The following ASCC3 variants were observed in gnomAD, a reference collection of about 807,000 sequenced individuals.
ASCC3 encodes ASC-1 complex subunit P200.
In ASCC3, 158 loss-of-function variants were observed where a neutral mutation model predicts 256.3. The ratio of observed to expected loss-of-function variants is 0.62; its 90% CI spans 0.54 to 0.70. ASCC3 has a LOEUF of 0.70. Among genes scored for constraint, ASCC3 ranks in the 30% least tolerant of loss-of-function variants. The pLI is 0.00. For missense variants in ASCC3, 2,259 were observed against 2,626.0 expected, an observed-to-expected ratio of 0.86 and a Z score of 3.05; for synonymous variants, 948 against 883.4, an observed-to-expected ratio of 1.07 and a Z score of -1.30.
intron 36 of ASCC3, among the ~76,000 whole-genome samples, chr6:100,587,375 T>C (rs1202864997): frequency 3.3e-5 from 5 of 152,020 alleles, no homozygotes; most frequent in Non-Finnish European, 7.4e-5. Flanking sequence ...AATTATACAA[T>C]CTTGCTGTAT....
At chr6:100,712,751 CTTTTTTTTTTTT>C (rs58286754) in intron 13 of ASCC3, among the ~76,000 whole-genome samples, 3 of 69,738 alleles carry the variant, frequency 4.3e-5, no homozygotes, top group African/African-American at 1.6e-4. Flanking sequence ...CAATTATACT[CTTTTTTTTTTTT>C]TTTTTTTTTT....
intron 4 of ASCC3, among the ~76,000 whole-genome samples, chr6:100,831,324 TAA>T (rs201555489): frequency 5.0e-5 from 7 of 141,066 alleles, no homozygotes; most frequent in Non-Finnish European, 3.1e-5. Flanking sequence ...CTCTTCTGGT[TAA>T]AAAAAAAAAG....
chr6:100,590,086 T>A (rs1472439573), intron 34 of ASCC3, 27 bp from the exon 35 acceptor site: 1 of 1,516,522 alleles, frequency 6.6e-7, no homozygotes, highest in East Asian at 2.3e-5. Flanking sequence ...GTTATTATTA[T>A]TTGTTTCAAG....
At chr6:100,558,610 T>A (rs377308588) in intron 36 of ASCC3, among the ~76,000 whole-genome samples, 7 of 152,246 alleles carry the variant, frequency 4.6e-5, no homozygotes, top group African/African-American at 1.4e-4. Context: ...TTATTTAGGC[T>A]AGGTACAGCA....
chr6:100,549,690 T>C (rs1429118990), intron 36 of ASCC3, among the ~76,000 whole-genome samples: 2 of 151,572 alleles, frequency 1.3e-5, no homozygotes, highest in Non-Finnish European at 3.0e-5. Context: ...AAAAATGTAA[T>C]AGCAAATAAG....
At chr6:100,840,518 A>T (rs944661065) in intron 4 of ASCC3, among the ~76,000 whole-genome samples, 5 of 140,796 alleles carry the variant, frequency 3.6e-5, no homozygotes, top group Non-Finnish European at 7.6e-5. Flanking sequence ...TTGGCGTAAG[A>T]GTCTTTATTG....
chr6:100,608,199 TTA>T (rs1409281068), intron 30 of ASCC3, among the ~76,000 whole-genome samples: 4 of 91,646 alleles, frequency 4.4e-5, no homozygotes, highest in Admixed American at 3.2e-4. Flanking sequence ...TATATATACT[TTA>T]TATATATACT....
At chr6:100,570,712 C>T (rs1770544709) in intron 36 of ASCC3, among the ~76,000 whole-genome samples, 1 of 152,084 alleles carries the variant, frequency 6.6e-6, no homozygotes, top group African/African-American at 2.4e-5. Context: ...ATCCATATGC[C>T]TGTCACAGTC....
intron 10 of ASCC3, among the ~76,000 whole-genome samples, chr6:100,753,688 T>C (rs937976909): frequency 2.6e-5 from 4 of 152,132 alleles, no homozygotes; most frequent in Non-Finnish European, 5.9e-5. Flanking sequence ...AAATGTCTTC[T>C]ATCTAGAGGA....
At chr6:100,670,319 T>C (rs972300184) in intron 14 of ASCC3, among the ~76,000 whole-genome samples, 3 of 151,900 alleles carry the variant, frequency 2.0e-5, no homozygotes, top group Non-Finnish European at 4.4e-5. Flanking sequence ...CATGGGGGAT[T>C]GATTCAACAA....
At chr6:100,799,356 G>T (rs1769795557) in intron 7 of ASCC3, 75 bp downstream of exon 7, 2 of 1,536,718 alleles carry the variant, frequency 1.3e-6, no homozygotes, top group African/African-American at 1.4e-5. Context: ...ACTCACGAAG[G>T]AACAGGGAAA....
At chr6:100,582,088 T>G (rs1771314925) in intron 36 of ASCC3, among the ~76,000 whole-genome samples, 1 of 151,434 alleles carries the variant, frequency 6.6e-6, no homozygotes, top group Admixed American at 6.6e-5. Context: ...TGGTTCCATA[T>G]GAACTTTAAA....
At chr6:100,554,264 A>G (rs760022002) in intron 36 of ASCC3, among the ~76,000 whole-genome samples, 2 of 152,168 alleles carry the variant, frequency 1.3e-5, no homozygotes, top group Non-Finnish European at 2.9e-5. Context: ...ACATACATAT[A>G]TATTTTTTCT....
chr6:100,735,201 G>T (rs995405271), intron 10 of ASCC3, among the ~76,000 whole-genome samples: 2 of 152,056 alleles, frequency 1.3e-5, no homozygotes, highest in African/African-American at 4.8e-5. Flanking sequence ...AACTTAAGAT[G>T]AATTTCTTGG....
chr6:100,510,626 A>G (rs1459560127), intron 40 of ASCC3, among the ~76,000 whole-genome samples: 3 of 152,140 alleles, frequency 2.0e-5, no homozygotes, highest in African/African-American at 7.2e-5. Context: ...CAAGAATAAA[A>G]CTCACATAAA....
At chr6:100,655,499 G>A (rs1223212309) in intron 17 of ASCC3, among the ~76,000 whole-genome samples, 200 bp downstream of exon 17, 1 of 151,698 alleles carries the variant, frequency 6.6e-6, no homozygotes, top group East Asian at 1.9e-4. Context: ...ATAAGTATTT[G>A]TAGAAAAAGA....
intron 10 of ASCC3, among the ~76,000 whole-genome samples, chr6:100,727,169 A>G (rs1287352381): frequency 6.6e-6 from 1 of 152,014 alleles, no homozygotes; most frequent in Non-Finnish European, 1.5e-5. Flanking sequence ...TCCTAGGTAA[A>G]GTGTATTCCT....
chr6:100,533,630 TCA>T (rs1481175938), intron 37 of ASCC3, among the ~76,000 whole-genome samples: 3 of 152,174 alleles, frequency 2.0e-5, no homozygotes, highest in African/African-American at 4.8e-5. Flanking sequence ...GCTTCTCAGA[TCA>T]CTGAGTTCAG....
At chr6:100,566,200 A>G (rs1770238924) in intron 36 of ASCC3, among the ~76,000 whole-genome samples, 1 of 152,228 alleles carries the variant, frequency 6.6e-6, no homozygotes, top group Admixed American at 6.5e-5. Flanking sequence ...ATAAACATAT[A>G]CATACTAATT....
Sources: allele counts gnomAD v4.1 joint callset (sites outside exome capture counted in the v4.1 genomes callset), GRCh38; gene constraint gnomAD v4.1.1; transcripts MANE v1.5; gene names NCBI Gene and HGNC (gene_info 2026-07-23, HGNC 2026-07-21).